Variants in MYO18B observed in about 807,000 individuals in gnomAD.
The protein encoded by MYO18B is myosin XVIIIB, also known as unconventional myosin-XVIIIb.
MYO18B carries 204 observed loss-of-function variants against 273.0 expected under a neutral mutation model. The ratio of observed to expected loss-of-function variants is 0.75; its 90% CI spans 0.67 to 0.84. MYO18B has a LOEUF of 0.84. Among genes scored for constraint, MYO18B ranks in the 40% least tolerant of loss-of-function variants. The probability of loss-of-function intolerance (pLI) is 0.00; values close to 1 mark genes in which losing one functional copy is unlikely to be tolerated. For missense variants in MYO18B, 3,212 were observed against 3,287.6 expected, an observed-to-expected ratio of 0.98 and a Z score of 0.56; for synonymous variants, 1,330 against 1,305.7, an observed-to-expected ratio of 1.02 and a Z score of -0.40.
rs1212956919 is a variant in MYO18B, at chr22:26,027,338, C to T, written c.7364C>T (p.Thr2455Ile). The change falls in exon 43 of 44, where the codon ACC becomes ATC. Residue 2455 changes from threonine to isoleucine, a missense_variant. By Grantham distance (89) the Thr-to-Ile change is moderately conservative. Coordinates refer to ENST00000335473, the MANE Select transcript of MYO18B (RefSeq NM_032608.7). The surrounding 1 kb of genome is among the most constrained non-coding windows in gnomAD (Gnocchi z 4.1). The part of the protein sequence containing the change: ...LPAIRKPQTP[T>I]SLAGSAKGGQ... ...GCTATCCGGAAGCCCCAGACACCTA[C>T]CTCCTTGGCTGGATCAGCCAAAGGT... is the stretch of plus-strand genomic sequence containing the variant. The T allele has an allele frequency of 1.2e-6, 2 of 1,613,874 alleles. No homozygotes were observed. The highest frequency in any genetic ancestry group is 3.3e-5 in the Admixed American group (2 of 60,016).
At position 25,763,373 on chromosome 22, in the gene MYO18B, C is replaced by T. The variant is rs753058190; in HGVS notation, c.182C>T (p.Ala61Val). 4.2e-5 allele frequency: 68 copies of T among 1,611,120 alleles called. No individual in the cohort carries two copies. The Admixed American group carries it at 7.1e-4, about 17-fold the overall frequency. The change falls in exon 3 of 44, where the codon GCC (alanine) becomes GTC (valine). Residue 61 changes from alanine to valine, a missense_variant. Coordinates refer to ENST00000335473, the MANE Select transcript of MYO18B (RefSeq NM_032608.7). Reference protein sequence around the residue: ...EARQRKQLAVASPEREIPEIS... With the variant: ...EARQRKQLAVVSPEREIPEIS... ...AGACAGAGGAAGCAGTTAGCTGTCGCCTCTCCAGAACGAGAGGTAAGTGGT... is the reference window on the plus strand; with the variant it reads ...AGACAGAGGAAGCAGTTAGCTGTCGTCTCTCCAGAACGAGAGGTAAGTGGT...
downstream of MYO18B, among the ~76,000 whole-genome samples, chr22:26,035,829 T>C (rs1440942500): frequency 6.6e-6 from 1 of 152,220 alleles, no homozygotes; most frequent in Non-Finnish European, 1.5e-5. Context: ...GTGTGTCTCA[T>C]TGTCTGGGTG....
chr22:25,897,964 G>A (rs1420939881), intron 28 of MYO18B: 2 of 208,078 alleles, frequency 9.6e-6, no homozygotes, highest in East Asian at 1.2e-4. Context: ...TGATCATGTC[G>A]GCTGGTGGGG....
chr22:26,032,375 C>T (rs554724785), downstream of MYO18B, among the ~76,000 whole-genome samples: 45 of 152,204 alleles, frequency 3.0e-4, no homozygotes, highest in Middle Eastern at 0.014. Context: ...TGTAGATAGT[C>T]GCTTTCTTGC....
At chr22:25,829,024 A>C in intron 15 of MYO18B, 56 bp downstream of exon 15, 1 of 1,569,652 alleles carries the variant, frequency 6.4e-7, no homozygotes, top group Non-Finnish European at 8.7e-7. Context: ...GTGTAAGGTC[A>C]GATGGGAAGG....
intron 14 of MYO18B, among the ~76,000 whole-genome samples, chr22:25,828,442 C>CAATT (rs1273010336): frequency 6.6e-6 from 1 of 151,678 alleles, no homozygotes; most frequent in African/African-American, 2.4e-5. Flanking sequence ...TAATAGGCCT[C>CAATT]TGAAGAAAGA....
chr22:25,884,846 A>T (rs1294810300), intron 25 of MYO18B: 1 of 152,238 alleles, frequency 6.6e-6, no homozygotes, highest in African/African-American at 2.4e-5. Context: ...CATCATCAGT[A>T]AAATGGCAAT....
At chr22:25,891,772 A>G (rs1426501781) in intron 27 of MYO18B, among the ~76,000 whole-genome samples, 2 of 152,198 alleles carry the variant, frequency 1.3e-5, no homozygotes, top group African/African-American at 4.8e-5. Flanking sequence ...CACACCTATA[A>G]TCCTAGCACT....
chr22:26,059,528 C>T, the MYO18B span, among the ~76,000 whole-genome samples: 2 of 152,178 alleles, frequency 1.3e-5, no homozygotes, highest in African/African-American at 4.8e-5. Flanking sequence ...TAGAACCAAG[C>T]CCCTTTCATA....
intron 33 of MYO18B, among the ~76,000 whole-genome samples, chr22:25,914,621 T>G (rs35435258): frequency 0.01 from 1,575 of 151,484 alleles, 16 homozygotes; most frequent in Non-Finnish European, 0.016. Context: ...ATACTTCATC[T>G]GTAGGCTTTT....
intron 20 of MYO18B, 100 bp downstream of exon 20, chr22:25,847,752 A>G: frequency 1.2e-6 from 1 of 826,498 alleles, no homozygotes; most frequent in Non-Finnish European, 1.9e-6. Context: ...ATGTGCTAGG[A>G]GCTTCACACC....
At chr22:26,020,848 G>T (rs1385669019) in intron 42 of MYO18B, among the ~76,000 whole-genome samples, 1 of 152,170 alleles carries the variant, frequency 6.6e-6, no homozygotes, top group Non-Finnish European at 1.5e-5. Context: ...CAACAGTTTG[G>T]GAGGCCAAGG....
intron 17 of MYO18B, among the ~76,000 whole-genome samples, chr22:25,838,939 A>G (rs2089992224): frequency 1.3e-5 from 2 of 151,094 alleles, no homozygotes; most frequent in South Asian, 2.1e-4. Flanking sequence ...GTGTGTGTGC[A>G]TGTGTGTGTA....
chr22:25,805,228 C>T lies in MYO18B; in HGVS notation c.2521+7131C>T, dbSNP rs547695354. ...TCCAGATAAACTCATCTGCATTCTG[C>T]AGATGAGGAAACTGAAGCTCCTCCA... On this transcript the variant is annotated intron_variant, in intron 12 of 43. Coordinates refer to ENST00000335473, the MANE Select transcript of MYO18B (RefSeq NM_032608.7). Among the ~76,000 whole-genome samples the T allele has an allele frequency of 3.3e-5, 5 of 152,280 alleles. No individual in the cohort carries two copies. The South Asian group carries it at 1.0e-3, about 32-fold the overall frequency.
intron 34 of MYO18B, among the ~76,000 whole-genome samples, chr22:25,925,902 C>CA (rs34754921): frequency 0.36 from 23,883 of 65,546 alleles, 4,323 homozygotes; most frequent in Non-Finnish European, 0.39. Flanking sequence ...AAGACTCTGT[C>CA]AAAAAAAAAA....
At chr22:25,879,969 A>G (rs959414515) in intron 25 of MYO18B, among the ~76,000 whole-genome samples, 1 of 152,200 alleles carries the variant, frequency 6.6e-6, no homozygotes, top group Non-Finnish European at 1.5e-5. Context: ...ATCTGTCCCC[A>G]TGATCCAGTC....
At chr22:26,051,733 T>C in the MYO18B span, among the ~76,000 whole-genome samples, 1 of 152,362 alleles carries the variant, frequency 6.6e-6, no homozygotes, top group African/African-American at 2.4e-5. Flanking sequence ...TTTCCTGATA[T>C]ATTTTTAATG....
At chr22:25,792,062 T>A (rs1412702973) in intron 11 of MYO18B, among the ~76,000 whole-genome samples, 1 of 152,208 alleles carries the variant, frequency 6.6e-6, no homozygotes, top group Admixed American at 6.5e-5. Flanking sequence ...CTGGTCCACG[T>A]TCACTCTTGG....
At chr22:25,771,525 TAGAAA>T (rs1278119370) in intron 6 of MYO18B, among the ~76,000 whole-genome samples, 1 of 152,206 alleles carries the variant, frequency 6.6e-6, no homozygotes, top group Non-Finnish European at 1.5e-5. Flanking sequence ...AGTGTAGTGA[TAGAAA>T]AGAAAGGTTC....
Sources: allele counts gnomAD v4.1 joint callset (sites outside exome capture counted in the v4.1 genomes callset), GRCh38; gene constraint gnomAD v4.1.1; non-coding constraint Gnocchi (gnomAD v3.1); transcripts MANE v1.5; gene names NCBI Gene and HGNC (gene_info 2026-07-23, HGNC 2026-07-21).